TNK2: variants seen among roughly 807,000 people sequenced by gnomAD.
TNK2 encodes tyrosine kinase non receptor 2.
Under a neutral mutation model 101.8 loss-of-function variants are expected in TNK2, and 83 were observed. That is an observed-to-expected ratio of 0.82 (90% CI 0.68 to 0.98). TNK2 has a LOEUF of 0.98. TNK2 is among the 50% of genes least tolerant of loss of function. The pLI, the probability that TNK2 is intolerant of heterozygous loss-of-function variation, is 0.00. For missense variants in TNK2, 1,665 were observed against 1,483.2 expected, an observed-to-expected ratio of 1.12 and a Z score of -2.01; for synonymous variants, 804 against 633.0, an observed-to-expected ratio of 1.27 and a Z score of -4.06.
intron 1 of TNK2, among the ~76,000 whole-genome samples, chr3:195,897,416 G>A (rs1167313875): frequency 6.6e-6 from 1 of 152,230 alleles, no homozygotes; most frequent in Admixed American, 6.5e-5. Flanking sequence ...GGGGGGCCTG[G>A]CAGCTGAGGT....
Position 195,864,166 on chromosome 3 carries a change from C to T in TNK2, c.*15G>A. The T allele has an allele frequency of 6.2e-7, 1 of 1,613,972 alleles. No individual in the cohort carries two copies. ...TGATTCCTTCAGGCAGGCCCTCTGGCTCTCCAGACGCATCTCAGCGCCTAG... is the reference window on the plus strand; with the variant it reads ...TGATTCCTTCAGGCAGGCCCTCTGGTTCTCCAGACGCATCTCAGCGCCTAG... On this transcript the variant is annotated 3_prime_UTR_variant, in exon 16 of 16. Transcript: ENST00000672887.
chr3:195,879,247 A>G (rs1449045614), intron 6 of TNK2, 72 bp from the exon 7 acceptor site: 11 of 1,585,234 alleles, frequency 6.9e-6, no homozygotes, highest in Non-Finnish European at 1.7e-6. Context: ...GACTTAAAAC[A>G]CTCATGCAGC....
intron 1 of TNK2, among the ~76,000 whole-genome samples, chr3:195,905,987 A>C: frequency 6.6e-6 from 1 of 152,134 alleles, no homozygotes; most frequent in East Asian, 1.9e-4. Context: ...AACACGAAAA[A>C]CCCTACACAA....
chr3:195,882,346 G>T lies in TNK2; in HGVS notation c.610-18C>A. On this transcript the variant is annotated intron_variant, in intron 5 of 15. Transcript: ENST00000672887. The surrounding 1 kb of genome is among the most constrained non-coding windows in gnomAD (Gnocchi z 4.2). ...TCTGTCACCTGAGGCCACGGAGGAG[G>T]CAGGAGGAATGAGCTGGAGGACCCT... 1 of 1,607,970 alleles carries T rather than the reference G, an allele frequency of 6.2e-7. No individual in the cohort carries two copies.
intron 1 of TNK2, among the ~76,000 whole-genome samples, chr3:195,902,072 C>T (rs1761261224): frequency 6.6e-6 from 1 of 152,132 alleles, no homozygotes; most frequent in Admixed American, 6.5e-5. Flanking sequence ...TTCTGAATGC[C>T]ATAGGCCCCT....
chr3:195,888,740 G>A lies in TNK2; in HGVS notation c.-18-134C>T, dbSNP rs991549004. On this transcript the variant is annotated intron_variant, in intron 1 of 15. Coordinates refer to ENST00000672887, the MANE Select transcript of TNK2 (RefSeq NM_001382273.1). This position sits in a 1 kb window ranked among gnomAD's most constrained non-coding sequence, Gnocchi z 5.3. ...TCACACCACCTTCTGACTCCCGAGG[G>A]AAGCTACCGAGAACCGCCTGGACCC... The A allele has an allele frequency of 1.2e-6, 1 of 865,904 alleles. No homozygotes were observed. Among genetic ancestry groups the A allele is most frequent in the Non-Finnish European group, 1.7e-6 (1 of 583,746 alleles). The allele number at this position is 865,904 out of a possible 1,614,324, so 53.6% of individuals were successfully genotyped here.
intron 6 of TNK2, among the ~76,000 whole-genome samples, chr3:195,880,284 C>T (rs1751657861): frequency 6.6e-6 from 1 of 152,144 alleles, no homozygotes; most frequent in Admixed American, 6.5e-5. Context: ...CTACCACTAG[C>T]TCTCCCTAGA....
intron 12 of TNK2, 160 bp downstream of exon 12, chr3:195,869,337 G>T (rs146905259): frequency 4.0e-5 from 30 of 759,218 alleles, no homozygotes; most frequent in African/African-American, 1.2e-4. Context: ...GGGCTCGAGG[G>T]GGGGCAGGCA....
intron 1 of TNK2, among the ~76,000 whole-genome samples, chr3:195,907,335 G>A (rs1433752724): frequency 6.6e-6 from 1 of 152,178 alleles, no homozygotes; most frequent in African/African-American, 2.4e-5. Context: ...GGGCTAACCG[G>A]CTCCTCCAGC....
Position 195,868,321 on chromosome 3 carries a change from G to A in TNK2, c.1977C>T (p.Asp659=), listed in dbSNP as rs998844154. Residue 659 remains aspartate, a synonymous_variant, in exon 13 of 16, where the codon GAC becomes GAT. Coordinates refer to ENST00000672887, the MANE Select transcript of TNK2 (RefSeq NM_001382273.1). ...TGCTGTTGATGGAGCAGATCTCAAAGTCATCCTCATCCTGGGCCACGTCGT... is the reference window on the plus strand; with the variant it reads ...TGCTGTTGATGGAGCAGATCTCAAAATCATCCTCATCCTGGGCCACGTCGT... ...AYDDVAQDED[D]FEICSINSTL... 1.2e-6 allele frequency: 2 copies of A among 1,603,194 alleles called. No individual in the cohort carries two copies. The highest frequency in any genetic ancestry group is 1.7e-6 in the Non-Finnish European group (2 of 1,179,356).
intron 14 of TNK2, 22 bp downstream of exon 14, chr3:195,867,147 A>C: frequency 6.2e-7 from 1 of 1,611,746 alleles, no homozygotes; most frequent in Non-Finnish European, 8.5e-7. Flanking sequence ...TGAGAGCCAG[A>C]GTGAGCAGGA....
chr3:195,883,132 GC>G (rs777702613), intron 5 of TNK2, 24 bp downstream of exon 5: 3 of 952,874 alleles, frequency 3.1e-6, no homozygotes, highest in Admixed American at 3.7e-5. Context: ...CTCCCTGCCC[GC>G]CCCCTCCCGC....
At chr3:195,869,448 G>A in intron 12 of TNK2, 49 bp downstream of exon 12, 1 of 1,538,876 alleles carries the variant, frequency 6.5e-7, no homozygotes. Flanking sequence ...AGGAGTGAGA[G>A]AGAGGGGGCG....
Position 195,872,328 on chromosome 3 carries a change from G to A in TNK2, c.1399C>T (p.His467Tyr). ...PLQNSFIHTG[H>Y]GDSDPRHCWG... ...CAGTGGCGGGGGTCACTGTCGCCAT[G>A]CCCTGTGTGGATGAAGCTGTTCTGC... The change falls in exon 10 of 16, where the codon CAT becomes TAT. Residue 467 changes from histidine (H) to tyrosine (Y), a missense_variant. This residue lies in a region of TNK2 where 1,136 missense variants were observed against 894.9 expected (regional missense o/e 1.27). Transcript: ENST00000672887. 1 of 1,613,334 alleles carries A rather than the reference G, an allele frequency of 6.2e-7. No individual in the cohort carries two copies. The highest frequency in any genetic ancestry group is 8.5e-7 in the Non-Finnish European group (1 of 1,179,946).
chr3:195,892,075 C>A (rs1017807326), intron 1 of TNK2: 98 of 877,764 alleles, frequency 1.1e-4, no homozygotes, highest in Non-Finnish European at 1.4e-4. Context: ...CCCTCTAAGT[C>A]CCCCTCCAGC....
intron 9 of TNK2, among the ~76,000 whole-genome samples, chr3:195,874,221 G>C (rs543488294): frequency 4.5e-4 from 68 of 152,352 alleles, no homozygotes; most frequent in African/African-American, 1.5e-3. Context: ...CTGAGGCCGA[G>C]ACCTTGCTCA....
intron 1 of TNK2, among the ~76,000 whole-genome samples, chr3:195,900,495 G>A (rs191887962): frequency 6.6e-6 from 1 of 152,260 alleles, no homozygotes; most frequent in East Asian, 1.9e-4. Flanking sequence ...ATCAAGTCTT[G>A]AAAGTACTGT....
At chr3:195,865,677 A>G (rs1007053010) in intron 15 of TNK2, among the ~76,000 whole-genome samples, 23 of 141,566 alleles carry the variant, frequency 1.6e-4, no homozygotes, top group East Asian at 8.7e-4. Context: ...CCTGCGTCCC[A>G]GGTGCAAATC....
intron 2 of TNK2, among the ~76,000 whole-genome samples, chr3:195,887,477 T>C (rs1256893066): frequency 2.6e-5 from 4 of 152,266 alleles, no homozygotes; most frequent in Non-Finnish European, 5.9e-5. Context: ...AGTGTCTAAC[T>C]TGACACGTTA....
Sources: gnomAD v4.1 joint callset for allele counts (sites outside exome capture counted in the v4.1 genomes callset) on GRCh38, gnomAD v4.1.1 for gene constraint, gnomAD v4.1.1 regional missense constraint, Gnocchi (gnomAD v3.1) non-coding constraint, MANE v1.5 for transcripts, NCBI Gene and HGNC (gene_info 2026-07-23, HGNC 2026-07-21) for gene names.